Variants in DOCK2 observed in about 807,000 individuals in gnomAD.
The protein encoded by DOCK2 is dedicator of cytokinesis 2.
DOCK2 carries 87 observed loss-of-function variants against 248.9 expected under a neutral mutation model. That is an observed-to-expected ratio of 0.35 (90% CI 0.29 to 0.42). The LOEUF (loss-of-function observed/expected upper bound fraction) is 0.42. Among genes scored for constraint, DOCK2 ranks in the 10% least tolerant of loss-of-function variants. The pLI, the probability that DOCK2 is intolerant of heterozygous loss-of-function variation, is 1.00. For missense variants in DOCK2, 1,747 were observed against 2,300.2 expected, an observed-to-expected ratio of 0.76 and a Z score of 4.92; for synonymous variants, 805 against 821.6, an observed-to-expected ratio of 0.98 and a Z score of 0.35.
Position 169,801,479 on chromosome 5 carries a change from G to A in DOCK2, c.2555-1579G>A, listed in dbSNP as rs565496810. On this transcript the variant is annotated intron_variant, in intron 25 of 51. Coordinates refer to ENST00000520908, the MANE Select transcript of DOCK2 (RefSeq NM_004946.3). ...GAATTTACTGAGATGATTCATGCAC[G>A]ACACTTGCAACAGTGCCTAGCACAT... 2.6e-5 allele frequency among the ~76,000 whole-genome samples: 4 copies of A among 152,268 alleles called. 1 individual carries two copies. The highest frequency in any genetic ancestry group is 4.1e-4 in the South Asian group (2 of 4,824).
At chr5:169,926,246 T>C (rs1236639252) in intron 27 of DOCK2, among the ~76,000 whole-genome samples, 1 of 152,206 alleles carries the variant, frequency 6.6e-6, no homozygotes. Flanking sequence ...ACTCACCTGA[T>C]TGTCTCTCAC....
chr5:170,051,021 A>T (rs988006822), intron 41 of DOCK2, among the ~76,000 whole-genome samples: 1 of 152,258 alleles, frequency 6.6e-6, no homozygotes, highest in Non-Finnish European at 1.5e-5. Context: ...TTACAAAAAT[A>T]TAATCTGTGC....
intron 22 of DOCK2, among the ~76,000 whole-genome samples, 196 bp from the exon 23 acceptor site, chr5:169,747,200 C>T (rs112781911): frequency 0.035 from 5,258 of 152,184 alleles, 116 homozygotes; most frequent in African/African-American, 0.058. Flanking sequence ...TGGTGGGTTT[C>T]TGTTGGGTAT....
At chr5:169,850,899 A>C (rs1426062588) in intron 27 of DOCK2, among the ~76,000 whole-genome samples, 1 of 152,160 alleles carries the variant, frequency 6.6e-6, no homozygotes, top group African/African-American at 2.4e-5. Context: ...AAGTGGGAGG[A>C]GCATTTCTTG....
chr5:169,976,297 A>G (rs551646550), intron 27 of DOCK2, among the ~76,000 whole-genome samples: 7 of 152,342 alleles, frequency 4.6e-5, no homozygotes, highest in African/African-American at 1.4e-4. Context: ...CCTAAATTTT[A>G]GGTCCTATGT....
At chr5:169,908,125 A>G (rs261001) in intron 27 of DOCK2, among the ~76,000 whole-genome samples, 65,812 of 151,884 alleles carry the variant, frequency 0.43, 14,678 homozygotes, top group East Asian at 0.56. Context: ...CTGCAGCCCC[A>G]TTTCAGTTAA....
At chr5:169,793,219 G>T (rs1303965539) in intron 25 of DOCK2, among the ~76,000 whole-genome samples, 3 of 152,150 alleles carry the variant, frequency 2.0e-5, no homozygotes, top group African/African-American at 7.2e-5. Flanking sequence ...GCTTACACAG[G>T]TATGTAGCAC....
At chr5:169,727,656 A>G (rs1402707341) in intron 22 of DOCK2, among the ~76,000 whole-genome samples, 1 of 152,256 alleles carries the variant, frequency 6.6e-6, no homozygotes, top group Non-Finnish European at 1.5e-5. Flanking sequence ...TATTGGGATC[A>G]GATAAAACTA....
At position 169,661,311 on chromosome 5, in the gene DOCK2, A is replaced by T. The variant is rs902532719; in HGVS notation, c.127+6825A>T. Among the ~76,000 whole-genome samples the T allele has an allele frequency of 9.8e-5, 15 of 152,312 alleles. No individual in the cohort carries two copies. The East Asian group carries it at 1.2e-3, about 12-fold the overall frequency. On this transcript the variant is annotated intron_variant, in intron 2 of 51. Transcript: ENST00000520908. ...ATTGCAGAGCTCATACTCTTTAAAA[A>T]TTTTTTTAATTGTATATGTTTAAGG...
chr5:169,909,105 G>T (rs1426434417), intron 27 of DOCK2, among the ~76,000 whole-genome samples: 3 of 152,162 alleles, frequency 2.0e-5, no homozygotes, highest in Admixed American at 2.0e-4. Context: ...AGAGTCTGTG[G>T]ATGATTTCAT....
intron 41 of DOCK2, among the ~76,000 whole-genome samples, chr5:170,054,016 A>G (rs115840305): frequency 7.0e-6 from 1 of 143,448 alleles, no homozygotes; most frequent in African/African-American, 2.8e-5. Context: ...AGGAAGGAAA[A>G]CAACTCCTAA....
chr5:169,648,298 C>G (rs1306762231), intron 1 of DOCK2, among the ~76,000 whole-genome samples: 1 of 152,162 alleles, frequency 6.6e-6, no homozygotes, highest in African/African-American at 2.4e-5. Flanking sequence ...TCCCCTCCCC[C>G]AGGTTGGGAC....
chr5:169,769,342 C>T (rs1351561867), intron 25 of DOCK2, among the ~76,000 whole-genome samples: 1 of 152,176 alleles, frequency 6.6e-6, no homozygotes, highest in Non-Finnish European at 1.5e-5. Context: ...TTGGTACACA[C>T]AAATTTTGTG....
chr5:169,888,067 A>G (rs1024401689), intron 27 of DOCK2, among the ~76,000 whole-genome samples: 3 of 152,268 alleles, frequency 2.0e-5, no homozygotes, highest in African/African-American at 4.8e-5. Flanking sequence ...GAAAATTTGA[A>G]TAGTCAAACG....
At chr5:169,745,388 G>A (rs1159168439) in intron 22 of DOCK2, among the ~76,000 whole-genome samples, 2 of 152,210 alleles carry the variant, frequency 1.3e-5, no homozygotes, top group African/African-American at 4.8e-5. Context: ...CAGTACGGCA[G>A]GCGCTAACAT....
intron 27 of DOCK2, among the ~76,000 whole-genome samples, chr5:169,867,781 G>T (rs1458759061): frequency 1.3e-5 from 2 of 152,102 alleles, no homozygotes; most frequent in African/African-American, 4.8e-5. Flanking sequence ...ACCCCTATTT[G>T]TCTGGGGTGT....
chr5:169,939,190 C>T (rs905137188), intron 27 of DOCK2, among the ~76,000 whole-genome samples: 3 of 151,040 alleles, frequency 2.0e-5, no homozygotes, highest in African/African-American at 4.9e-5. Flanking sequence ...AGGCGTGAGC[C>T]ACTGTGCCCG....
At chr5:170,042,361 C>T (rs1314469598) in intron 38 of DOCK2, among the ~76,000 whole-genome samples, 1 of 152,204 alleles carries the variant, frequency 6.6e-6, no homozygotes, top group Non-Finnish European at 1.5e-5. Flanking sequence ...TTCCTGCTTC[C>T]TCCACTACCC....
At chr5:169,766,623 C>G (rs1309169131) in intron 25 of DOCK2, among the ~76,000 whole-genome samples, 2 of 152,102 alleles carry the variant, frequency 1.3e-5, no homozygotes, top group African/African-American at 4.8e-5. Context: ...ATTCCTGGGT[C>G]GAGGGGTAGT....
Sources: allele counts gnomAD v4.1 joint callset (sites outside exome capture counted in the v4.1 genomes callset), GRCh38; gene constraint gnomAD v4.1.1; transcripts MANE v1.5; gene names NCBI Gene and HGNC (gene_info 2026-07-23, HGNC 2026-07-21).